PLD4: variants seen among roughly 807,000 people sequenced by gnomAD.
The protein encoded by PLD4 is phospholipase D family member 4, also known as 5'-3' exonuclease PLD4.
In PLD4, 54 loss-of-function variants were observed where a neutral mutation model predicts 52.3. The observed-to-expected ratio is 1.03, with a 90% CI of 0.83 to 1.30. The LOEUF is 1.30. Ranked by LOEUF, PLD4 falls within the 50% of genes most tolerant of loss-of-function variation. The pLI is 0.00. For missense variants in PLD4, 731 were observed against 671.1 expected, an observed-to-expected ratio of 1.09 and a Z score of -0.99; for synonymous variants, 264 against 286.5, an observed-to-expected ratio of 0.92 and a Z score of 0.79.
rs746392894 is a variant in PLD4 at position 104,933,001 on chromosome 14, A to C, written c.*37A>C. 1 of 1,515,334 alleles carries C rather than the reference A, an allele frequency of 6.6e-7. No homozygotes were observed. Among genetic ancestry groups the C allele is most frequent in the Non-Finnish European group, 8.8e-7 (1 of 1,133,138 alleles). 93.9% of individuals were successfully genotyped at this position (1,515,334 alleles called of 1,614,324 possible). A position where few individuals can be genotyped will look rare whatever the true frequency, so the allele number is the denominator to read the frequency against. On this transcript the variant is annotated 3_prime_UTR_variant, in exon 11 of 11. Coordinates refer to ENST00000392593, the MANE Select transcript of PLD4 (RefSeq NM_138790.5). ...TTTTCTCTCGGCGACCCCGCCCCGC[A>C]CGCGCCCTCCCCTCTGACCCCGGCC...
chr14:104,928,795 G>C lies in PLD4; in HGVS notation c.331G>C (p.Gly111Arg), dbSNP rs372617011. ...SIPQDLPSAA[G>R]SPSAQPLGQA... The stretch of plus-strand genomic sequence containing the variant: ...CCCCCAGGACCTGCCATCTGCAGCC[G>C]GCAGCCCCTCTGCCCAGCCTCTGGG... The change falls in exon 4 of 11, where the codon GGC becomes CGC. Residue 111 changes from glycine (G) to arginine (R), a missense_variant. Physicochemically the swap from Gly to Arg is moderately radical, Grantham distance 125. Coordinates refer to ENST00000392593, the MANE Select transcript of PLD4 (RefSeq NM_138790.5). The C allele has an allele frequency of 7.5e-6, 12 of 1,608,070 alleles. No homozygotes were observed. Among genetic ancestry groups the C allele is most frequent in the Non-Finnish European group, 9.3e-6 (11 of 1,176,484 alleles).
In PLD4 at chr14:104,930,918, G is replaced by A. The variant is rs761061645; in HGVS notation, c.894G>A (p.Gly298=). ...AGCCCTTCCACGGCCTCTTTGATGG[G>A]GTGCCCACCACTGCCTACTTCTCAG... ...RFQPFHGLFD[G]VPTTAYFSAS... Residue 298 remains glycine, a synonymous_variant, in exon 7 of 11, where the codon GGG becomes GGA. Transcript: ENST00000392593. 1 of 1,613,402 alleles carries A rather than the reference G, an allele frequency of 6.2e-7. No homozygotes were observed. The highest frequency in any genetic ancestry group is 1.7e-5 in the Admixed American group (1 of 60,020).
downstream of PLD4, chr14:104,933,299 T>TA (rs1897721999): frequency 4.2e-6 from 1 of 237,226 alleles, no homozygotes; most frequent in South Asian, 1.5e-4. Context: ...GGCCCGCCTC[T>TA]ATGCGCCCGC....
downstream of PLD4, chr14:104,936,303 G>C (rs1311652700): frequency 6.6e-6 from 1 of 152,222 alleles, no homozygotes; most frequent in African/African-American, 2.4e-5. Flanking sequence ...GAAGCCCTGG[G>C]AAGGGAGAGG....
At chr14:104,926,396 G>A (rs1022201727) in intron 1 of PLD4, among the ~76,000 whole-genome samples, 1 of 152,162 alleles carries the variant, frequency 6.6e-6, no homozygotes, top group African/African-American at 2.4e-5. Flanking sequence ...GTGGGGATGG[G>A]AGCCCACATC....
At position 104,932,539 on chromosome 14, in the gene PLD4, G is replaced by A. The variant is rs1386102935; in HGVS notation, c.1321+184G>A. ...TGTCACCTGGCCCCACAGGGCCCCA[G>A]AACACTGAGTCAGGACGCCTGTCCC... is the stretch of plus-strand genomic sequence containing the variant. On this transcript the variant is annotated intron_variant, in intron 10 of 10. Transcript: ENST00000392593. This position sits in a 1 kb window ranked among gnomAD's most constrained non-coding sequence, Gnocchi z 6.5. Among the ~76,000 whole-genome samples, 4 of 152,200 alleles carry A rather than the reference G, an allele frequency of 2.6e-5. No homozygotes were observed. The highest frequency in any genetic ancestry group is 9.6e-5 in the African/African-American group (4 of 41,460).
intron 4 of PLD4, 159 bp downstream of exon 4, chr14:104,929,091 C>T (rs1000524825): frequency 1.9e-5 from 23 of 1,216,312 alleles, no homozygotes; most frequent in African/African-American, 6.1e-5. Context: ...GGGGCTCTAA[C>T]AGCAGAGGTG....
chr14:104,929,189 C>A (rs1284646390), intron 4 of PLD4, 118 bp from the exon 5 acceptor site: 3 of 1,462,890 alleles, frequency 2.1e-6, no homozygotes, highest in Non-Finnish European at 2.8e-6. Context: ...GATACTTGAC[C>A]TGACCTTGAG....
chr14:104,930,115 A>G lies in PLD4; in HGVS notation c.717+10A>G. On this transcript the variant is annotated intron_variant, in intron 6 of 10. Coordinates refer to ENST00000392593, the MANE Select transcript of PLD4 (RefSeq NM_138790.5). ...GCGGTCTCTGACGCAGGTGAGTGCC[A>G]GGGCCCTAACACAGGAGGCCTGCCT... is the stretch of plus-strand genomic sequence containing the variant. 6.2e-7 allele frequency: 1 copy of G among 1,613,000 alleles called. No homozygotes were observed. Among genetic ancestry groups the G allele is most frequent in the Non-Finnish European group, 8.5e-7 (1 of 1,179,886 alleles).
rs1897489815 is a variant in PLD4, at chr14:104,927,309, A to G, written c.90+79A>G. On this transcript the variant is annotated intron_variant, in intron 2 of 10. Coordinates refer to ENST00000392593, the MANE Select transcript of PLD4 (RefSeq NM_138790.5). ...AGCTCCGAGCCAGAGTGGAGAGGTC[A>G]CAAGCAGCCTTGAGGGGGCCTCCAA... 3 of 1,269,218 alleles carry G rather than the reference A, an allele frequency of 2.4e-6. No individual in the cohort carries two copies. In the Admixed American group the frequency reaches 8.0e-5, roughly 34 times the overall value. The allele number at this position is 1,269,218 out of a possible 1,614,324, so 78.6% of individuals were successfully genotyped here. A position where few individuals can be genotyped will look rare whatever the true frequency, so the allele number is the denominator to read the frequency against.
In PLD4 at chr14:104,932,217, C is replaced by G. The variant is rs1321419992; in HGVS notation, c.1224+40C>G. 17 of 1,612,226 alleles carry G rather than the reference C, an allele frequency of 1.1e-5. No individual in the cohort carries two copies. Among genetic ancestry groups the G allele is most frequent in the South Asian group, 2.2e-5 (2 of 91,074 alleles). Reference sequence around the variant, plus strand: ...CCGGCCGGGCGTGGGAAAGGCGGCCCTCCTGCCGCCCTTCCTGACGCGCTG... The same window carrying G: ...CCGGCCGGGCGTGGGAAAGGCGGCCGTCCTGCCGCCCTTCCTGACGCGCTG... On this transcript the variant is annotated intron_variant, in intron 9 of 10. Coordinates refer to ENST00000392593, the MANE Select transcript of PLD4 (RefSeq NM_138790.5). This position sits in a 1 kb window ranked among gnomAD's most constrained non-coding sequence, Gnocchi z 6.5.
Position 104,929,342 on chromosome 14 carries a change from G to A in PLD4, c.504G>A (p.Leu168=), listed in dbSNP as rs765288068. 13 of 1,575,582 alleles carry A rather than the reference G, an allele frequency of 8.3e-6. No individual in the cohort carries two copies. Among genetic ancestry groups the A allele is most frequent in the South Asian group, 7.0e-5 (6 of 85,872 alleles). The change falls in exon 5 of 11, where the codon CTG becomes CTA. Residue 168 remains leucine, a synonymous_variant. Transcript: ENST00000392593. ...TTCTGCAGAAGCTGCAGCAGCTGCT[G>A]GGCAGGAACATTTCCCTGGCTGTGG... is the stretch of plus-strand genomic sequence containing the variant. ...EALLQKLQQL[L]GRNISLAVAT... is the part of the protein sequence containing the mutation.
intron 6 of PLD4, among the ~76,000 whole-genome samples, 195 bp downstream of exon 6, chr14:104,930,300 G>A (rs1595380347): frequency 6.6e-6 from 1 of 152,314 alleles, no homozygotes; most frequent in East Asian, 1.9e-4. Context: ...TCATGCTGTG[G>A]AATCACATTC....
rs116126903 is a variant in PLD4 at position 104,925,507 on chromosome 14, G to A, written c.-1+517G>A. Among the ~76,000 whole-genome samples the A allele has an allele frequency of 5.4e-3, 820 of 151,334 alleles. 9 individuals are homozygous for A. Among genetic ancestry groups the A allele is most frequent in the African/African-American group, 0.018 (741 of 41,430 alleles). On this transcript the variant is annotated intron_variant, in intron 1 of 10. Transcript: ENST00000392593. ...AGCGCCTCTGTGCTCTGAGCTGCCC[G>A]TCTGCCTGGAGCATTTAAGGGAGCA...
At position 104,929,499 on chromosome 14, in the gene PLD4, A is replaced by G. The variant is rs563238174; in HGVS notation, c.589+72A>G. On this transcript the variant is annotated intron_variant, in intron 5 of 10. Transcript: ENST00000392593. ...TGGGCTGTCTGGCTGGCACCACAGGACAAGGAAAAGAAGTGAGGGTGGGAA... is the reference window on the plus strand; with the variant it reads ...TGGGCTGTCTGGCTGGCACCACAGGGCAAGGAAAAGAAGTGAGGGTGGGAA... The G allele has an allele frequency of 5.4e-6, 8 of 1,476,620 alleles. No homozygotes were observed. The African/African-American group carries it at 1.1e-4, about 21-fold the overall frequency. The allele number at this position is 1,476,620 out of a possible 1,614,324, so 91.5% of individuals were successfully genotyped here.
Position 104,932,209 on chromosome 14 carries a change from A to C in PLD4, c.1224+32A>C. Reference sequence around the variant, plus strand: ...GCGTGCTCCCGGCCGGGCGTGGGAAAGGCGGCCCTCCTGCCGCCCTTCCTG... The same window carrying C: ...GCGTGCTCCCGGCCGGGCGTGGGAACGGCGGCCCTCCTGCCGCCCTTCCTG... On this transcript the variant is annotated intron_variant, in intron 9 of 10. Coordinates refer to ENST00000392593, the MANE Select transcript of PLD4 (RefSeq NM_138790.5). The surrounding 1 kb of genome is among the most constrained non-coding windows in gnomAD (Gnocchi z 6.5). 1.2e-6 allele frequency: 2 copies of C among 1,612,158 alleles called. No individual in the cohort carries two copies. Among genetic ancestry groups the C allele is most frequent in the Non-Finnish European group, 1.7e-6 (2 of 1,179,586 alleles).
downstream of PLD4, chr14:104,937,284 AG>A (rs1897834355): frequency 6.6e-6 from 1 of 152,292 alleles, no homozygotes; most frequent in Non-Finnish European, 1.5e-5. Context: ...TTGCCCATCC[AG>A]GGAACAGCCA....
At chr14:104,934,857 A>C (rs1245851145), downstream of PLD4, 4 of 152,248 alleles carry the variant, frequency 2.6e-5, no homozygotes, top group Non-Finnish European at 5.9e-5. Context: ...AGGACACCTT[A>C]GACTTCAGCA....
At position 104,931,825 on chromosome 14, in the gene PLD4, G is replaced by C; in HGVS notation, c.996G>C (p.Gln332His). The change falls in exon 8 of 11, where the codon CAG (glutamine) becomes CAC (histidine). Residue 332 changes from glutamine (Q) to histidine (H), a missense_variant. Gln to His is a conservative substitution (Grantham distance 24). Transcript: ENST00000392593. ...EALLAVMGSA[Q>H]EFIYASVMEY... Reference sequence around the variant, plus strand: ...TGCTGGCGGTGATGGGGAGCGCCCAGGAGTTCATCTATGCCTCCGTGATGG... The same window carrying C: ...TGCTGGCGGTGATGGGGAGCGCCCACGAGTTCATCTATGCCTCCGTGATGG... 6.3e-7 allele frequency: 1 copy of C among 1,574,870 alleles called. No individual in the cohort carries two copies.
Sources: gnomAD v4.1 joint callset for allele counts (sites outside exome capture counted in the v4.1 genomes callset) on GRCh38, gnomAD v4.1.1 for gene constraint, Gnocchi (gnomAD v3.1) non-coding constraint, MANE v1.5 for transcripts, NCBI Gene and HGNC (gene_info 2026-07-23, HGNC 2026-07-21) for gene names.